MCUB: variants seen among roughly 807,000 people sequenced by gnomAD.
MCUB encodes the protein calcium uniporter regulatory subunit MCUb, mitochondrial.
A neutral mutation model predicts 41.4 loss-of-function variants in MCUB; 46 were observed. The observed-to-expected ratio is 1.11, with a 90% CI of 0.88 to 1.42. The LOEUF is 1.42. Ranked by LOEUF, MCUB falls within the 40% of genes most tolerant of loss-of-function variation. MCUB has a pLI of 0.00. For missense variants in MCUB, 403 were observed against 404.9 expected (o/e 1.00, Z 0.04); for synonymous variants, 148 against 148.2 (o/e 1.00, Z 0.01).
chr4:109,644,839 G>A (rs938600150), intron 1 of MCUB, among the ~76,000 whole-genome samples: 1 of 152,096 alleles, frequency 6.6e-6, no homozygotes, highest in African/African-American at 2.4e-5. Flanking sequence ...AGATCATAAT[G>A]TATGAATAGC....
At chr4:109,597,824 C>T (rs1015731906) in intron 1 of MCUB, among the ~76,000 whole-genome samples, 3 of 151,650 alleles carry the variant, frequency 2.0e-5, no homozygotes, top group African/African-American at 7.3e-5. Context: ...CAGAGGGGCT[C>T]CTCACTTCTC....
chr4:109,642,239 T>C (rs890175433), intron 1 of MCUB, among the ~76,000 whole-genome samples: 1 of 152,208 alleles, frequency 6.6e-6, no homozygotes, highest in Non-Finnish European at 1.5e-5. Flanking sequence ...AGCTTCTGTC[T>C]TCAATCTTTT....
At chr4:109,616,346 T>A (rs1450492300) in intron 1 of MCUB, among the ~76,000 whole-genome samples, 2 of 152,238 alleles carry the variant, frequency 1.3e-5, no homozygotes, top group African/African-American at 4.8e-5. Flanking sequence ...CTGTCCTGAC[T>A]AATGTACCTT....
rs868764014 is a variant in MCUB at position 109,623,318 on chromosome 4, G to A, written c.100-35693G>A. Among the ~76,000 whole-genome samples, 8 of 152,256 alleles carry A rather than the reference G, an allele frequency of 5.3e-5. No homozygotes were observed. In the Middle Eastern group the frequency reaches 0.01, roughly 194 times the overall value. ...ACTACTTACTGATGATGCCAGCTAGGGCAAGAAGTGTTTTTGATTACACTA... is the reference window on the plus strand; with the variant it reads ...ACTACTTACTGATGATGCCAGCTAGAGCAAGAAGTGTTTTTGATTACACTA... On this transcript the variant is annotated intron_variant, in intron 1 of 7. Coordinates refer to ENST00000394650, the MANE Select transcript of MCUB (RefSeq NM_017918.5).
intron 4 of MCUB, among the ~76,000 whole-genome samples, chr4:109,681,240 C>T (rs1729709284): frequency 6.6e-6 from 1 of 152,092 alleles, no homozygotes; most frequent in South Asian, 2.1e-4. Flanking sequence ...AAGAATAATA[C>T]ATTTTTAGAG....
chr4:109,612,134 C>T (rs1474610063), intron 1 of MCUB, among the ~76,000 whole-genome samples: 1 of 152,176 alleles, frequency 6.6e-6, no homozygotes, highest in African/African-American at 2.4e-5. Flanking sequence ...GAAAGTCCAA[C>T]ATCAAGGTGC....
chr4:109,658,478 G>T (rs1729155152), intron 1 of MCUB, among the ~76,000 whole-genome samples: 1 of 151,998 alleles, frequency 6.6e-6, no homozygotes, highest in South Asian at 2.1e-4. Context: ...TGTATTTTTA[G>T]TGGAGACAGG....
At chr4:109,571,424 T>A (rs1726911911) in intron 1 of MCUB, among the ~76,000 whole-genome samples, 1 of 152,194 alleles carries the variant, frequency 6.6e-6, no homozygotes, top group East Asian at 1.9e-4. Context: ...GCAAGTCTTC[T>A]GTCTCAGCCT....
At position 109,659,011 on chromosome 4, in the gene MCUB, GT is replaced by G; in HGVS notation, c.104del (p.Leu35CysfsTer3). On this transcript the variant is annotated frameshift_variant and splice_region_variant, in exon 2 of 8. Transcript: ENST00000394650. LOFTEE classifies it high-confidence loss of function. ...ACAAATTAATTTTTCCTTCTTGTAG[GT>G]TTTGCGTGTGAAGCTGTGTGGAAAT... ...RPWPLPPPPQVLRVKLCGNVK... is the reference protein window; with the variant it reads ...RPWPLPPPPQXLRVKLCGNVK... 6.6e-7 allele frequency: 1 copy of G among 1,520,938 alleles called. No individual in the cohort carries two copies. Among genetic ancestry groups the G allele is most frequent in the Non-Finnish European group, 8.9e-7 (1 of 1,119,596 alleles). The allele number at this position is 1,520,938 out of a possible 1,614,324, so 94.2% of individuals were successfully genotyped here.
At chr4:109,650,633 C>T (rs1213871205) in intron 1 of MCUB, among the ~76,000 whole-genome samples, 1 of 152,174 alleles carries the variant, frequency 6.6e-6, no homozygotes, top group Non-Finnish European at 1.5e-5. Flanking sequence ...TCCCCTGAAA[C>T]ATAAGAACAT....
In MCUB at chr4:109,562,354, A is replaced by G. The variant is rs548220297; in HGVS notation, c.99+1918A>G. 1.8e-4 allele frequency among the ~76,000 whole-genome samples: 27 copies of G among 152,370 alleles called. No individual in the cohort carries two copies. In the East Asian group the frequency reaches 2.5e-3, roughly 14 times the overall value. On this transcript the variant is annotated intron_variant, in intron 1 of 7. Coordinates refer to ENST00000394650, the MANE Select transcript of MCUB (RefSeq NM_017918.5). ...TTTGTTTTAAGCCAACTGTCCAGCT[A>G]TAAAGACAATTTTCAGAACTTGAGA...
intron 1 of MCUB, among the ~76,000 whole-genome samples, chr4:109,629,420 G>A (rs1728427443): frequency 6.6e-6 from 1 of 152,102 alleles, no homozygotes; most frequent in Non-Finnish European, 1.5e-5. Context: ...GAATTGCATG[G>A]AGATTTCTCA....
rs536532806 is a variant in MCUB, at chr4:109,650,738, A to G, written c.100-8273A>G. Among the ~76,000 whole-genome samples the G allele has an allele frequency of 1.6e-3, 238 of 152,300 alleles. 1 individual carries two copies. Among genetic ancestry groups the G allele is most frequent in the Non-Finnish European group, 2.5e-3 (171 of 68,018 alleles). On this transcript the variant is annotated intron_variant, in intron 1 of 7. Transcript: ENST00000394650. ...TTTAGACCTCATTAAAATCTTGCCA[A>G]TTTTTCCAATAATGTTCTTTATTGG...
chr4:109,600,092 A>G (rs188162599), intron 1 of MCUB, among the ~76,000 whole-genome samples: 2 of 152,336 alleles, frequency 1.3e-5, no homozygotes, highest in East Asian at 3.9e-4. Flanking sequence ...TAAGGGATGT[A>G]TTATCTAGGC....
chr4:109,635,423 C>T lies in MCUB; in HGVS notation c.100-23588C>T, dbSNP rs187932248. On this transcript the variant is annotated intron_variant, in intron 1 of 7. Transcript: ENST00000394650. ...CTGCGGCCTTCTTACCCTTGCCCCA[C>T]GTTCCTGGCAACATAGCCGCCCCCA... Among the ~76,000 whole-genome samples, 668 of 152,316 alleles carry T rather than the reference C, an allele frequency of 4.4e-3. 7 individuals carry two copies. The highest frequency in any genetic ancestry group is 4.0e-3 in the Non-Finnish European group (273 of 68,030).
intron 1 of MCUB, among the ~76,000 whole-genome samples, chr4:109,604,394 T>TA (rs922768323): frequency 4.3e-4 from 64 of 149,432 alleles, no homozygotes; most frequent in East Asian, 1.9e-3. Context: ...TAAAAAAATT[T>TA]AAAAAAAAAA....
At chr4:109,657,218 CAAAAAAAAAAAAA>C (rs56707630) in intron 1 of MCUB, among the ~76,000 whole-genome samples, 1 of 111,410 alleles carries the variant, frequency 9.0e-6, no homozygotes, top group African/African-American at 3.4e-5. Flanking sequence ...TATTCCATCT[CAAAAAAAAAAAAA>C]AAAAAAAATA....
Position 109,660,381 on chromosome 4 carries a change from A to AT in MCUB, c.346+20dup, listed in dbSNP as rs1259527183. On this transcript the variant is annotated intron_variant, in intron 3 of 7. Transcript: ENST00000394650. ...TTCACAGCAGGTATATATGTATATA[A>AT]TTTTACAACTTTGTCCCAGGGTTTC... 2.7e-6 allele frequency: 4 copies of AT among 1,492,766 alleles called. No individual in the cohort carries two copies. In the Admixed American group the frequency reaches 7.7e-5, roughly 29 times the overall value. 92.5% of individuals were successfully genotyped at this position (1,492,766 alleles called of 1,614,324 possible).
intron 4 of MCUB, among the ~76,000 whole-genome samples, chr4:109,667,517 T>G (rs1729369920): frequency 6.6e-6 from 1 of 151,734 alleles, no homozygotes; most frequent in Non-Finnish European, 1.5e-5. Context: ...TTAATTGATT[T>G]TTTCCAAAGA....
Sources: gnomAD v4.1 joint callset for allele counts (sites outside exome capture counted in the v4.1 genomes callset) on GRCh38, gnomAD v4.1.1 for gene constraint, MANE v1.5 for transcripts, NCBI Gene and HGNC (gene_info 2026-07-23, HGNC 2026-07-21) for gene names.